The following NFU1 variants were observed in gnomAD, a reference collection of about 807,000 sequenced individuals.
NFU1 encodes the protein NFU1 iron-sulfur cluster scaffold homolog, mitochondrial.
NFU1 carries 30 observed loss-of-function variants against 32.2 expected under a neutral mutation model. The observed-to-expected ratio is 0.93, with a 90% CI of 0.70 to 1.26. NFU1 has a LOEUF of 1.26. Ranked by LOEUF, NFU1 falls within the 50% of genes most tolerant of loss-of-function variation. The pLI is 0.00. For synonymous variants in NFU1, 112 were observed against 104.6 expected (o/e 1.07, Z -0.43); for missense variants, 306 against 306.6 (o/e 1.00, Z 0.02).
At position 69,423,628 on chromosome 2, in the gene NFU1, T is replaced by A; in HGVS notation, c.256A>T (p.Met86Leu). The A allele has an allele frequency of 6.2e-7, 1 of 1,613,884 alleles. No homozygotes were observed. The highest frequency in any genetic ancestry group is 1.3e-5 in the African/African-American group (1 of 75,038). ...GCTGCAGCTGGGGTGGGAAAATCCATGGTCCTTGTCTCAAGAACTGGTTTT... is the reference window on the plus strand; with the variant it reads ...GCTGCAGCTGGGGTGGGAAAATCCAAGGTCCTTGTCTCAAGAACTGGTTTT... ...PGKPVLETRT[M>L]DFPTPAAAFR... is the part of the protein sequence containing the mutation. Residue 86 changes from methionine (M) to leucine (L), a missense_variant, in exon 3 of 8, where the codon ATG becomes TTG. By Grantham distance (15) the Met-to-Leu change is conservative. Transcript: ENST00000410022.
At chr2:69,412,237 G>C (rs763228165) in intron 5 of NFU1, among the ~76,000 whole-genome samples, 1 of 151,698 alleles carries the variant, frequency 6.6e-6, no homozygotes, top group South Asian at 2.1e-4. Context: ...TTTTAGCAGA[G>C]ATGGGGTTTT....
At chr2:69,398,836 T>C (rs933201317) in intron 7 of NFU1, among the ~76,000 whole-genome samples, 2 of 152,154 alleles carry the variant, frequency 1.3e-5, no homozygotes, top group Admixed American at 1.3e-4. Flanking sequence ...TAGGTCTATA[T>C]AGACCTGCTC....
chr2:69,405,717 A>ATTAAG (rs1672673042), intron 6 of NFU1, among the ~76,000 whole-genome samples: 1 of 152,106 alleles, frequency 6.6e-6, no homozygotes, highest in Non-Finnish European at 1.5e-5. Context: ...CTTGCCAAAC[A>ATTAAG]TTAAGTCTTT....
intron 7 of NFU1, chr2:69,399,482 C>A: frequency 2.5e-6 from 1 of 399,660 alleles, no homozygotes; most frequent in Non-Finnish European, 5.0e-6. Context: ...TCTTAATGGG[C>A]TTCTTGCTTG....
At chr2:69,401,267 AC>A (rs1475215210) in intron 6 of NFU1, among the ~76,000 whole-genome samples, 1 of 152,208 alleles carries the variant, frequency 6.6e-6, no homozygotes, top group Non-Finnish European at 1.5e-5. Context: ...ACTCCCCACA[AC>A]AAAAATGCTG....
chr2:69,438,428 A>G (rs1673931550), upstream of NFU1, among the ~76,000 whole-genome samples: 1 of 151,762 alleles, frequency 6.6e-6, no homozygotes, highest in African/African-American at 2.4e-5. Flanking sequence ...TTTTATTAGC[A>G]GTAGTAGTAG....
At chr2:69,396,602 G>A (rs1672342579) in intron 7 of NFU1, among the ~76,000 whole-genome samples, 1 of 150,998 alleles carries the variant, frequency 6.6e-6, no homozygotes. Flanking sequence ...GCAGTGAGCC[G>A]AGATCGCGCC....
rs1673338347 is a variant in NFU1, at chr2:69,423,575, A to G, written c.302+7T>C. 2 of 1,612,476 alleles carry G rather than the reference A, an allele frequency of 1.2e-6. No individual in the cohort carries two copies. Among genetic ancestry groups the G allele is most frequent in the East Asian group, 4.5e-5 (2 of 44,886 alleles). The stretch of plus-strand genomic sequence containing the variant: ...CTTGGTAAAAGCAAATGAAAACAGT[A>G]ATATACCTAGCCAGAGGGGAGCGAA... On this transcript the variant is annotated splice_region_variant and intron_variant, in intron 3 of 7. Coordinates refer to ENST00000410022, the MANE Select transcript of NFU1 (RefSeq NM_001002755.4).
chr2:69,399,343 A>G (rs770654165), intron 7 of NFU1: 10 of 455,614 alleles, frequency 2.2e-5, no homozygotes, highest in Admixed American at 4.7e-5. Context: ...CACTGCAGTG[A>G]GACTCATTAT....
intron 1 of NFU1, 33 bp downstream of exon 1, chr2:69,437,328 A>C: frequency 6.3e-7 from 1 of 1,595,312 alleles, no homozygotes; most frequent in Non-Finnish European, 8.5e-7. Flanking sequence ...GCCCAGCGGC[A>C]CACCTATTCG....
intron 2 of NFU1, among the ~76,000 whole-genome samples, chr2:69,425,190 T>C (rs563611746): frequency 1.3e-5 from 2 of 151,640 alleles, no homozygotes; most frequent in African/African-American, 4.8e-5. Context: ...AGGCTTTTTT[T>C]AAAAAAAATC....
At chr2:69,432,250 G>A (rs939446979) in intron 1 of NFU1, among the ~76,000 whole-genome samples, 2 of 152,188 alleles carry the variant, frequency 1.3e-5, no homozygotes, top group Admixed American at 6.6e-5. Flanking sequence ...ATAACCGGGT[G>A]TGCACAGGAT....
chr2:69,418,765 G>A (rs1673144474), intron 4 of NFU1, among the ~76,000 whole-genome samples: 1 of 151,464 alleles, frequency 6.6e-6, no homozygotes, highest in South Asian at 2.1e-4. Flanking sequence ...CACCACACCC[G>A]GCCCCCAGTA....
At chr2:69,424,238 C>T (rs1223406201) in intron 2 of NFU1, among the ~76,000 whole-genome samples, 17 of 128,996 alleles carry the variant, frequency 1.3e-4, no homozygotes, top group African/African-American at 4.5e-4. Context: ...TATTTAAGTG[C>T]ATATAGTTTT....
At chr2:69,404,542 T>C (rs1457489938) in intron 6 of NFU1, among the ~76,000 whole-genome samples, 2 of 149,986 alleles carry the variant, frequency 1.3e-5, no homozygotes, top group East Asian at 4.0e-4. Flanking sequence ...CTAATTAACA[T>C]ATACTAACAT....
chr2:69,422,897 G>A (rs1673293295), intron 3 of NFU1, among the ~76,000 whole-genome samples: 1 of 151,922 alleles, frequency 6.6e-6, no homozygotes, highest in South Asian at 2.1e-4. Flanking sequence ...TGTATTTTTT[G>A]TAGACAGGGT....
At chr2:69,438,963 C>G (rs1673956369), upstream of NFU1, among the ~76,000 whole-genome samples, 1 of 145,142 alleles carries the variant, frequency 6.9e-6, no homozygotes, top group Non-Finnish European at 1.5e-5. Flanking sequence ...TGTTTTTGAC[C>G]CTCAATCAAA....
intron 5 of NFU1, chr2:69,410,884 T>C (rs987073966): frequency 2.6e-5 from 4 of 152,192 alleles, no homozygotes; most frequent in African/African-American, 9.7e-5. Context: ...TTTTAGAGAC[T>C]TTACAAGATG....
intron 2 of NFU1, among the ~76,000 whole-genome samples, chr2:69,424,938 G>A (rs976859543): frequency 4.1e-5 from 6 of 147,958 alleles, no homozygotes; most frequent in Admixed American, 1.4e-4. Flanking sequence ...GTGCAGTGGC[G>A]CCATCTCTGC....
Sources: allele counts gnomAD v4.1 joint callset (sites outside exome capture counted in the v4.1 genomes callset), GRCh38; gene constraint gnomAD v4.1.1; transcripts MANE v1.5; gene names NCBI Gene and HGNC (gene_info 2026-07-23, HGNC 2026-07-21).